The following KIAA1328 variants were observed in gnomAD, a reference collection of about 807,000 sequenced individuals.
KIAA1328 encodes KIAA1328.
Under a neutral mutation model 68.1 loss-of-function variants are expected in KIAA1328, and 52 were observed. The observed-to-expected ratio is 0.76, with a 90% CI of 0.61 to 0.96. KIAA1328 has a LOEUF of 0.96. Among genes scored for constraint, KIAA1328 ranks in the 40% least tolerant of loss-of-function variants. The pLI, the probability that KIAA1328 is intolerant of heterozygous loss-of-function variation, is 0.00. For synonymous variants in KIAA1328, 232 were observed against 239.4 expected (o/e 0.97, Z 0.28); for missense variants, 641 against 677.6 (o/e 0.95, Z 0.60).
chr18:37,035,796 A>C (rs146463219), intron 6 of KIAA1328, among the ~76,000 whole-genome samples: 2 of 152,340 alleles, frequency 1.3e-5, no homozygotes, highest in South Asian at 2.1e-4. Flanking sequence ...ACACACAATA[A>C]AAGAGTCCTT....
At chr18:36,996,380 C>T (rs531875919) in intron 6 of KIAA1328, among the ~76,000 whole-genome samples, 27 of 152,134 alleles carry the variant, frequency 1.8e-4, no homozygotes, top group Admixed American at 3.3e-4. Flanking sequence ...TCAGTTACTA[C>T]AGCTGTAATG....
chr18:36,888,776 C>T (rs553242992), intron 5 of KIAA1328, among the ~76,000 whole-genome samples: 10 of 151,944 alleles, frequency 6.6e-5, no homozygotes, highest in African/African-American at 2.4e-4. Context: ...AAACATAAAA[C>T]AAGGTTATAA....
At chr18:37,155,037 A>C (rs1001420719) in intron 7 of KIAA1328, among the ~76,000 whole-genome samples, 1 of 152,140 alleles carries the variant, frequency 6.6e-6, no homozygotes, top group African/African-American at 2.4e-5. Flanking sequence ...TAATCTCTGC[A>C]CTTGAGCCCT....
intron 7 of KIAA1328, among the ~76,000 whole-genome samples, chr18:37,099,044 T>A (rs2151860542): frequency 6.6e-6 from 1 of 152,350 alleles, no homozygotes; most frequent in African/African-American, 2.4e-5. Context: ...TTCATTGATT[T>A]TTTTGAAGGG....
intron 5 of KIAA1328, among the ~76,000 whole-genome samples, chr18:36,907,760 G>A (rs1243391674): frequency 6.6e-6 from 1 of 152,090 alleles, no homozygotes; most frequent in Non-Finnish European, 1.5e-5. Context: ...CTGGCCTGAA[G>A]GAATGAGTTG....
At chr18:36,877,941 A>G (rs1376332525) in intron 4 of KIAA1328, among the ~76,000 whole-genome samples, 2 of 152,036 alleles carry the variant, frequency 1.3e-5, no homozygotes, top group Non-Finnish European at 2.9e-5. Context: ...TGCTGGGATT[A>G]CGGGCCTGAG....
intron 6 of KIAA1328, among the ~76,000 whole-genome samples, chr18:37,062,278 T>C (rs1229933296): frequency 1.2e-5 from 1 of 83,802 alleles, no homozygotes; most frequent in Non-Finnish European, 2.7e-5. Flanking sequence ...TGGGGATTTC[T>C]CCCCCACCTC....
At chr18:37,204,022 G>A (rs2060167682) in intron 9 of KIAA1328, among the ~76,000 whole-genome samples, 2 of 152,114 alleles carry the variant, frequency 1.3e-5, no homozygotes, top group Admixed American at 1.3e-4. Flanking sequence ...ATGTTAGCCA[G>A]GATAGTCTCG....
At chr18:36,988,220 A>G (rs1313705820) in intron 6 of KIAA1328, among the ~76,000 whole-genome samples, 1 of 152,224 alleles carries the variant, frequency 6.6e-6, no homozygotes, top group Non-Finnish European at 1.5e-5. Flanking sequence ...TTTTTATATG[A>G]ATATTTTCTC....
chr18:36,893,206 C>T (rs1398757174), intron 5 of KIAA1328, among the ~76,000 whole-genome samples: 1 of 152,062 alleles, frequency 6.6e-6, no homozygotes, highest in Non-Finnish European at 1.5e-5. Flanking sequence ...ATGAGGCACT[C>T]CTCACCCACT....
rs1459128269 is a variant in KIAA1328 at position 37,066,913 on chromosome 18, C to T, written c.600C>T (p.Leu200=). The T allele has an allele frequency of 6.2e-7, 1 of 1,604,024 alleles. No homozygotes were observed. ...EQQVSSRKST[L]QCSSVELDGS... ...AGGTATCCAGTAGAAAAAGCACTCTCCAGTGTTCATCTGTGGAACTGGATG... is the reference window on the plus strand; with the variant it reads ...AGGTATCCAGTAGAAAAAGCACTCTTCAGTGTTCATCTGTGGAACTGGATG... Residue 200 remains leucine, a synonymous_variant, in exon 7 of 10, where the codon CTC becomes CTT. Transcript: ENST00000280020.
At chr18:36,971,390 G>A (rs1237853029) in intron 6 of KIAA1328, among the ~76,000 whole-genome samples, 3 of 152,122 alleles carry the variant, frequency 2.0e-5, no homozygotes, top group Admixed American at 2.0e-4. Flanking sequence ...GGCACTTTGG[G>A]AAGCCGAGGT....
chr18:37,084,440 T>G (rs1270906108), intron 7 of KIAA1328: 1 of 338,148 alleles, frequency 3.0e-6, no homozygotes, highest in African/African-American at 2.1e-5. Context: ...GAGAGAATCT[T>G]TTGAGCCCTT....
chr18:36,879,905 G>T (rs1279006036), intron 4 of KIAA1328, among the ~76,000 whole-genome samples: 1 of 152,178 alleles, frequency 6.6e-6, no homozygotes, highest in Non-Finnish European at 1.5e-5. Context: ...GTCCCAGGTT[G>T]ACTTCAGAGT....
At chr18:36,893,461 G>C (rs58287184) in intron 5 of KIAA1328, among the ~76,000 whole-genome samples, 3 of 102,870 alleles carry the variant, frequency 2.9e-5, no homozygotes, top group Non-Finnish European at 6.1e-5. Flanking sequence ...GTGTGTGTGT[G>C]TTTTTGTGTG....
chr18:37,094,987 T>G (rs996925616), intron 7 of KIAA1328, among the ~76,000 whole-genome samples: 5 of 149,568 alleles, frequency 3.3e-5, no homozygotes, highest in Non-Finnish European at 7.4e-5. Flanking sequence ...AAAAACAAGG[T>G]CATTAGATTA....
intron 5 of KIAA1328, among the ~76,000 whole-genome samples, chr18:36,909,714 T>A (rs2049359684): frequency 6.6e-6 from 1 of 152,200 alleles, no homozygotes; most frequent in Admixed American, 6.5e-5. Flanking sequence ...CGCCACACTG[T>A]GTTCCACAAT....
intron 4 of KIAA1328, among the ~76,000 whole-genome samples, chr18:36,872,511 C>A (rs1568104068): frequency 6.6e-6 from 1 of 152,096 alleles, no homozygotes; most frequent in Non-Finnish European, 1.5e-5. Flanking sequence ...GAATTTGAAA[C>A]CTGTGGTGCA....
chr18:36,872,278 G>A (rs369374704), intron 4 of KIAA1328, among the ~76,000 whole-genome samples: 10 of 151,970 alleles, frequency 6.6e-5, no homozygotes, highest in African/African-American at 2.4e-4. Flanking sequence ...TAAGACCCTA[G>A]GCATATGAGT....
Sources: gnomAD v4.1 joint callset for allele counts (sites outside exome capture counted in the v4.1 genomes callset) on GRCh38, gnomAD v4.1.1 for gene constraint, MANE v1.5 for transcripts, NCBI Gene and HGNC (gene_info 2026-07-23, HGNC 2026-07-21) for gene names.